SYN3: variants seen among roughly 807,000 people sequenced by gnomAD.
The protein encoded by SYN3 is synapsin-3.
Under a neutral mutation model 65.8 loss-of-function variants are expected in SYN3, and 35 were observed. The observed-to-expected ratio is 0.53, with a 90% CI of 0.41 to 0.70. The LOEUF is 0.70. SYN3 is among the 30% of genes least tolerant of loss of function. The pLI, the probability that SYN3 is intolerant of heterozygous loss-of-function variation, is 0.00. For missense variants in SYN3, 680 were observed against 749.0 expected (o/e 0.91, Z 1.08); for synonymous variants, 270 against 292.9 (o/e 0.92, Z 0.80).
At chr22:32,806,438 C>CT (rs1391108688) in intron 6 of SYN3, among the ~76,000 whole-genome samples, 1 of 152,192 alleles carries the variant, frequency 6.6e-6, no homozygotes, top group African/African-American at 2.4e-5. Context: ...TCGCACTTGG[C>CT]TTTTACCATT....
rs1257828168 is a variant in SYN3 at position 32,695,402 on chromosome 22, C to T, written c.712-98666G>A. Among the ~76,000 whole-genome samples the T allele has an allele frequency of 6.6e-5, 10 of 152,060 alleles. 1 individual carries two copies. The highest frequency in any genetic ancestry group is 5.8e-4 in the East Asian group (3 of 5,168). ...CTTGTTTGTAGTTTTACTTTGGAAA[C>T]GTCTTGTTGTGTTCTGTTATTTTCT... On this transcript the variant is annotated intron_variant, in intron 6 of 13. Coordinates refer to ENST00000358763, the MANE Select transcript of SYN3 (RefSeq NM_003490.4).
intron 3 of SYN3, among the ~76,000 whole-genome samples, chr22:32,945,863 G>C (rs4518061): frequency 0.68 from 102,693 of 152,064 alleles, 35,738 homozygotes; most frequent in African/African-American, 0.85. Context: ...CAAACAAGGC[G>C]ATCAAAAAGT....
chr22:32,592,140 A>G (rs2059136063), intron 7 of SYN3, among the ~76,000 whole-genome samples: 1 of 152,228 alleles, frequency 6.6e-6, no homozygotes, highest in Non-Finnish European at 1.5e-5. Context: ...CCAGCAGACA[A>G]GTGGGATCGA....
intron 7 of SYN3, among the ~76,000 whole-genome samples, chr22:32,555,573 A>C (rs868708816): frequency 6.6e-6 from 1 of 152,182 alleles, no homozygotes; most frequent in African/African-American, 2.4e-5. Flanking sequence ...GAGGTAATTT[A>C]CTGAACCAGG....
In SYN3 at chr22:32,821,707, G is replaced by T. The variant is rs2047251236; in HGVS notation, c.711+43208C>A. Among the ~76,000 whole-genome samples the T allele has an allele frequency of 2.0e-5, 3 of 152,300 alleles. No individual in the cohort carries two copies. In the South Asian group the frequency reaches 6.2e-4, roughly 32 times the overall value. On this transcript the variant is annotated intron_variant, in intron 6 of 13. Transcript: ENST00000358763. ...GAGTGGGGGAAAGCAGCTTCCAGGG[G>T]GTGGATTCCTGAACCAGGTATTTGT...
chr22:32,531,772 A>T (rs562019938), intron 10 of SYN3, among the ~76,000 whole-genome samples: 1 of 149,790 alleles, frequency 6.7e-6, no homozygotes, highest in East Asian at 2.0e-4. Context: ...CAAACTCAAA[A>T]GCAAAGGAAA....
Position 32,640,144 on chromosome 22 carries a change from A to G in SYN3, c.712-43408T>C, listed in dbSNP as rs527276831. 8.5e-5 allele frequency among the ~76,000 whole-genome samples: 13 copies of G among 152,258 alleles called. No homozygotes were observed. The East Asian group carries it at 2.3e-3, about 27-fold the overall frequency. ...CTGGTGAAGGACTATACTGTCTTCA[A>G]GTCTCCACTGAGGCCTCACCTCCTC... On this transcript the variant is annotated intron_variant, in intron 6 of 13. Transcript: ENST00000358763.
intron 6 of SYN3, among the ~76,000 whole-genome samples, chr22:32,843,003 A>G (rs2047957379): frequency 6.6e-6 from 1 of 152,166 alleles, no homozygotes; most frequent in Non-Finnish European, 1.5e-5. Context: ...AATGCAGTAA[A>G]ATTATGAACT....
At chr22:32,663,089 G>T (rs1054469517) in intron 6 of SYN3, among the ~76,000 whole-genome samples, 4 of 152,146 alleles carry the variant, frequency 2.6e-5, no homozygotes, top group Non-Finnish European at 5.9e-5. Flanking sequence ...AGTAGAGGGG[G>T]TTGGAAGAAT....
intron 6 of SYN3, chr22:32,858,285 T>C: frequency 8.6e-7 from 1 of 1,160,650 alleles, no homozygotes; most frequent in Non-Finnish European, 1.2e-6. Context: ...TCTGAGCAGA[T>C]ATAGTAAGGA....
chr22:32,807,355 A>AATTTATAAATATATATT (rs1555968075), intron 6 of SYN3, among the ~76,000 whole-genome samples: 1 of 19,912 alleles, frequency 5.0e-5, no homozygotes, highest in Non-Finnish European at 9.6e-5. Context: ...ATAAATATAT[A>AATTTATAAATATATATT]ATATATAATA....
intron 6 of SYN3, among the ~76,000 whole-genome samples, chr22:32,851,723 G>C (rs2146257043): frequency 6.6e-6 from 1 of 152,270 alleles, no homozygotes; most frequent in East Asian, 1.9e-4. Context: ...TCCCAATCCT[G>C]TGTTCTTTAT....
At chr22:33,022,616 T>G (rs1240519803) in intron 1 of SYN3, among the ~76,000 whole-genome samples, 1 of 152,144 alleles carries the variant, frequency 6.6e-6, no homozygotes. Context: ...CAAGAAGAAT[T>G]TGGGCTTTGG....
At chr22:32,566,275 T>C (rs188786144) in intron 7 of SYN3, among the ~76,000 whole-genome samples, 3 of 152,230 alleles carry the variant, frequency 2.0e-5, no homozygotes, top group African/African-American at 7.2e-5. Flanking sequence ...TATTTTATAC[T>C]CAGCCTATCT....
chr22:33,015,843 TTC>T (rs1482663016), intron 1 of SYN3, among the ~76,000 whole-genome samples: 7 of 146,140 alleles, frequency 4.8e-5, no homozygotes, highest in African/African-American at 1.3e-4. Flanking sequence ...AAATTTTCTT[TTC>T]TTTTTTTTTT....
rs549773861 is a variant in SYN3 at position 32,741,974 on chromosome 22, G to A, written c.711+122941C>T. On this transcript the variant is annotated intron_variant, in intron 6 of 13. Coordinates refer to ENST00000358763, the MANE Select transcript of SYN3 (RefSeq NM_003490.4). The stretch of plus-strand genomic sequence containing the variant: ...CACTTTCCATTTTTCCAGACAGGAA[G>A]TTAAAGCACCAAGCCCTGGCCGGGC... Among the ~76,000 whole-genome samples the A allele has an allele frequency of 7.2e-5, 11 of 152,234 alleles. No individual in the cohort carries two copies. In the South Asian group the frequency reaches 2.3e-3, roughly 32 times the overall value.
chr22:32,927,112 A>G (rs1411458795), intron 4 of SYN3, among the ~76,000 whole-genome samples: 1 of 152,174 alleles, frequency 6.6e-6, no homozygotes, highest in Non-Finnish European at 1.5e-5. Flanking sequence ...AAAAGTTTCA[A>G]TATTTTAATA....
intron 1 of SYN3, among the ~76,000 whole-genome samples, chr22:33,027,628 A>G (rs1207839157): frequency 1.0e-5 from 1 of 96,646 alleles, no homozygotes; most frequent in Non-Finnish European, 2.3e-5. Flanking sequence ...GGAAAGACAG[A>G]CAGACAGACA....
intron 7 of SYN3, among the ~76,000 whole-genome samples, chr22:32,584,488 T>G (rs1447766213): frequency 1.3e-5 from 2 of 152,136 alleles, no homozygotes; most frequent in African/African-American, 4.8e-5. Context: ...AGATGCAGTG[T>G]CAGGATGGCT....
Sources: allele counts gnomAD v4.1 joint callset (sites outside exome capture counted in the v4.1 genomes callset), GRCh38; gene constraint gnomAD v4.1.1; transcripts MANE v1.5; gene names NCBI Gene and HGNC (gene_info 2026-07-23, HGNC 2026-07-21).